The following ALK variants were observed in gnomAD, a reference collection of about 807,000 sequenced individuals.
The protein encoded by ALK is ALK receptor tyrosine kinase.
A neutral mutation model predicts 163.1 loss-of-function variants in ALK; 74 were observed. The observed-to-expected ratio is 0.45, with a 90% CI of 0.38 to 0.55. ALK has a LOEUF of 0.55. Ranked by LOEUF, ALK falls within the 20% of genes least tolerant of loss-of-function variation. The pLI is 0.00. For synonymous variants in ALK, 960 were observed against 843.2 expected, an observed-to-expected ratio of 1.14 and a Z score of -2.40; for missense variants, 2,063 against 2,105.3, an observed-to-expected ratio of 0.98 and a Z score of 0.39.
At chr2:29,432,696 A>G (rs1670299850) in intron 4 of ALK, among the ~76,000 whole-genome samples, 1 of 151,568 alleles carries the variant, frequency 6.6e-6, no homozygotes, top group Non-Finnish European at 1.5e-5. Flanking sequence ...CTTGACCCTA[A>G]GCAATGGATA....
chr2:29,747,475 T>C (rs983521990), intron 1 of ALK, among the ~76,000 whole-genome samples: 3 of 152,240 alleles, frequency 2.0e-5, no homozygotes, highest in African/African-American at 7.2e-5. Context: ...ACATCGGTTT[T>C]GGAGTGACAG....
chr2:29,910,845 GAAAAAA>G (rs1241796060), intron 1 of ALK, among the ~76,000 whole-genome samples: 5 of 152,024 alleles, frequency 3.3e-5, no homozygotes, highest in Non-Finnish European at 7.4e-5. Context: ...AAGGCTAAAG[GAAAAAA>G]TTACAGATGG....
At chr2:29,280,572 C>T (rs1039676488) in intron 9 of ALK, among the ~76,000 whole-genome samples, 1 of 147,078 alleles carries the variant, frequency 6.8e-6, no homozygotes, top group Non-Finnish European at 1.5e-5. Context: ...TACAGATGGA[C>T]CACTCTGGGA....
At chr2:29,415,827 T>C (rs371449573) in intron 4 of ALK, among the ~76,000 whole-genome samples, 20 of 152,338 alleles carry the variant, frequency 1.3e-4, no homozygotes, top group African/African-American at 4.8e-4. Flanking sequence ...ATTCTCCTTC[T>C]CTCTTCTTGA....
intron 3 of ALK, among the ~76,000 whole-genome samples, chr2:29,563,287 C>G (rs531626906): frequency 2.0e-5 from 3 of 152,086 alleles, no homozygotes; most frequent in Admixed American, 1.3e-4. Flanking sequence ...GATTACAGAA[C>G]GGGAACACCT....
At chr2:29,917,343 A>G (rs1297402720) in intron 1 of ALK, among the ~76,000 whole-genome samples, 1 of 152,260 alleles carries the variant, frequency 6.6e-6, no homozygotes, top group Admixed American at 6.5e-5. Context: ...TTCCTTCTGT[A>G]TAATTGAAGA....
intron 3 of ALK, among the ~76,000 whole-genome samples, chr2:29,605,584 G>C (rs1046931868): frequency 2.0e-5 from 3 of 152,134 alleles, no homozygotes; most frequent in Admixed American, 6.5e-5. Flanking sequence ...GAAGACAAAG[G>C]GAGACCAGAG....
chr2:29,349,389 G>A (rs776760969), intron 5 of ALK, among the ~76,000 whole-genome samples: 1 of 152,186 alleles, frequency 6.6e-6, no homozygotes, highest in Non-Finnish European at 1.5e-5. Flanking sequence ...GCTTGTTTGT[G>A]ATTGCTGCCT....
intron 5 of ALK, among the ~76,000 whole-genome samples, chr2:29,338,653 A>C (rs1281903599): frequency 6.6e-6 from 1 of 152,272 alleles, no homozygotes; most frequent in East Asian, 1.9e-4. Context: ...TTATATCTGC[A>C]TTGCCAGCTT....
intron 4 of ALK, among the ~76,000 whole-genome samples, chr2:29,425,922 G>T (rs1670124284): frequency 6.6e-6 from 1 of 152,162 alleles, no homozygotes. Flanking sequence ...GAGAACCATG[G>T]AAATAGATAG....
At chr2:29,416,609 C>G (rs544741815) in intron 4 of ALK, among the ~76,000 whole-genome samples, 2 of 152,146 alleles carry the variant, frequency 1.3e-5, no homozygotes, top group Non-Finnish European at 2.9e-5. Context: ...TCAGGAAGCA[C>G]AAAAATCTCA....
intron 5 of ALK, among the ~76,000 whole-genome samples, chr2:29,340,461 T>C (rs1667756328): frequency 6.6e-6 from 1 of 152,086 alleles, no homozygotes; most frequent in Non-Finnish European, 1.5e-5. Context: ...GATTCAGCCC[T>C]CTTAAAGCTA....
intron 6 of ALK, among the ~76,000 whole-genome samples, chr2:29,325,952 C>T (rs575870071): frequency 7.2e-5 from 11 of 152,164 alleles, no homozygotes; most frequent in Admixed American, 1.3e-4. Flanking sequence ...GCAAAAATGC[C>T]GGAAAGGATA....
intron 3 of ALK, 94 bp downstream of exon 3, chr2:29,694,756 A>T: frequency 6.7e-7 from 1 of 1,502,004 alleles, no homozygotes; most frequent in Middle Eastern, 2.3e-4. Context: ...TAAACAGAGC[A>T]GAACAGGAGT....
intron 3 of ALK, among the ~76,000 whole-genome samples, chr2:29,669,116 G>A (rs377120020): frequency 1.3e-5 from 2 of 151,994 alleles, no homozygotes; most frequent in African/African-American, 4.8e-5. Flanking sequence ...AGGCACATTA[G>A]ATCTAGTGTG....
chr2:29,586,068 T>A (rs543220686), intron 3 of ALK, among the ~76,000 whole-genome samples: 1 of 152,302 alleles, frequency 6.6e-6, no homozygotes, highest in South Asian at 2.1e-4. Context: ...TATTGTGTTA[T>A]TACAGTTAAA....
In ALK at chr2:29,193,039, G is replaced by T. The variant is rs547955328; in HGVS notation, c.*185C>A. The T allele has an allele frequency of 3.0e-6, 2 of 665,078 alleles. No homozygotes were observed. Among genetic ancestry groups the T allele is most frequent in the South Asian group, 3.6e-5 (2 of 55,038 alleles). 41.2% of individuals were successfully genotyped at this position (665,078 alleles called of 1,614,324 possible). Reference sequence around the variant, plus strand: ...ATATTTTCTTCTTTCGAAAGAATAGGATGAACCCATGCTCAAAACCTTTCT... The same window carrying T: ...ATATTTTCTTCTTTCGAAAGAATAGTATGAACCCATGCTCAAAACCTTTCT... On this transcript the variant is annotated 3_prime_UTR_variant, in exon 29 of 29. Coordinates refer to ENST00000389048, the MANE Select transcript of ALK (RefSeq NM_004304.5).
At chr2:29,284,720 A>C (rs1383227203) in intron 9 of ALK, among the ~76,000 whole-genome samples, 1 of 152,202 alleles carries the variant, frequency 6.6e-6, no homozygotes, top group Non-Finnish European at 1.5e-5. Flanking sequence ...AAAGCTCAGA[A>C]TTGCTAATCT....
At chr2:29,349,824 G>A (rs538542785) in intron 5 of ALK, among the ~76,000 whole-genome samples, 33 of 152,310 alleles carry the variant, frequency 2.2e-4, no homozygotes, top group Admixed American at 1.0e-3. Flanking sequence ...TGTACAGTGC[G>A]ACTGTGGGGA....
Sources: allele counts gnomAD v4.1 joint callset (sites outside exome capture counted in the v4.1 genomes callset), GRCh38; gene constraint gnomAD v4.1.1; transcripts MANE v1.5; gene names NCBI Gene and HGNC (gene_info 2026-07-23, HGNC 2026-07-21).